The following RBFOX1 variants were observed in gnomAD, a reference collection of about 807,000 sequenced individuals.
The protein encoded by RBFOX1 is RNA binding fox-1 homolog 1, also known as RNA binding protein fox-1 homolog 1.
RBFOX1 carries 8 observed loss-of-function variants against 57.7 expected under a neutral mutation model. The ratio of observed to expected loss-of-function variants is 0.14; its 90% CI spans 0.08 to 0.25. The LOEUF is 0.25. Among genes scored for constraint, RBFOX1 ranks in the 10% least tolerant of loss-of-function variants. The pLI is 1.00. For synonymous variants in RBFOX1, 326 were observed against 222.4 expected (o/e 1.47, Z -4.15); for missense variants, 611 against 548.5 (o/e 1.11, Z -1.14).
chr16:7,579,736 G>T (rs1260034234), intron 5 of RBFOX1, 41 bp from the exon 6 acceptor site: 1 of 1,612,692 alleles, frequency 6.2e-7, no homozygotes, highest in South Asian at 1.1e-5. Flanking sequence ...AGAGCACTGT[G>T]GTCCACTGAG....
chr16:6,708,650 A>G (rs1002231130), intron 3 of RBFOX1, among the ~76,000 whole-genome samples: 2 of 152,258 alleles, frequency 1.3e-5, no homozygotes, highest in South Asian at 2.1e-4. Flanking sequence ...ATCTGCCACT[A>G]TGCATTCACT....
chr16:7,290,688 A>G (rs1255546260), intron 4 of RBFOX1, among the ~76,000 whole-genome samples: 1 of 152,232 alleles, frequency 6.6e-6, no homozygotes, highest in Non-Finnish European at 1.5e-5. Context: ...TGAGCATGCA[A>G]CATTAAGAGG....
chr16:6,961,786 C>A (rs754761183), intron 3 of RBFOX1, among the ~76,000 whole-genome samples: 1 of 152,092 alleles, frequency 6.6e-6, no homozygotes, highest in African/African-American at 2.4e-5. Flanking sequence ...TGAGAGTGTC[C>A]TTTAGCATGC....
intron 3 of RBFOX1, among the ~76,000 whole-genome samples, chr16:6,855,892 C>G (rs2057793314): frequency 6.8e-6 from 1 of 148,134 alleles, no homozygotes; most frequent in African/African-American, 2.6e-5. Context: ...CCTTGTCTCC[C>G]TCCTTACCTC....
intron 4 of RBFOX1, among the ~76,000 whole-genome samples, chr16:7,250,657 C>T (rs1461149247): frequency 6.6e-6 from 1 of 152,162 alleles, no homozygotes; most frequent in Non-Finnish European, 1.5e-5. Flanking sequence ...TGCATTTTAC[C>T]ATTAGACTCT....
intron 3 of RBFOX1, among the ~76,000 whole-genome samples, chr16:5,823,436 C>T (rs891078780): frequency 1.3e-5 from 2 of 152,106 alleles, no homozygotes; most frequent in African/African-American, 4.8e-5. Flanking sequence ...AGGGAATAGT[C>T]GATATTGCTT....
intron 4 of RBFOX1, among the ~76,000 whole-genome samples, chr16:7,238,688 T>C (rs1052070276): frequency 6.6e-6 from 1 of 152,230 alleles, no homozygotes; most frequent in Non-Finnish European, 1.5e-5. Flanking sequence ...GCTTGTTACA[T>C]AGGTAAACTT....
chr16:5,689,480 G>T (rs2050603364), intron 3 of RBFOX1, among the ~76,000 whole-genome samples: 1 of 152,126 alleles, frequency 6.6e-6, no homozygotes, highest in Admixed American at 6.6e-5. Context: ...AATTTCTGTG[G>T]AATCCTAAAG....
chr16:6,377,306 A>G lies in RBFOX1; in HGVS notation c.-64+60249A>G, dbSNP rs148713460. On this transcript the variant is annotated intron_variant, in intron 2 of 15. Coordinates refer to ENST00000550418, the MANE Select transcript of RBFOX1 (RefSeq NM_018723.4). The stretch of plus-strand genomic sequence containing the variant: ...AAAAAAAAAAGAAAAAGAAAAAAAA[A>G]GGTATCAGTCCCTGTATTTAGGCCT... Among the ~76,000 whole-genome samples, 710 of 151,908 alleles carry G rather than the reference A, an allele frequency of 4.7e-3. 5 individuals carry two copies. The highest frequency in any genetic ancestry group is 6.1e-3 in the Non-Finnish European group (415 of 67,928).
At chr16:5,508,643 G>T (rs2043463200) in intron 2 of RBFOX1, among the ~76,000 whole-genome samples, 2 of 151,894 alleles carry the variant, frequency 1.3e-5, no homozygotes, top group African/African-American at 2.4e-5. Context: ...TGCACAGAGC[G>T]ATTGTACAGA....
chr16:7,696,244 G>T (rs530011288), intron 14 of RBFOX1, among the ~76,000 whole-genome samples: 1 of 152,176 alleles, frequency 6.6e-6, no homozygotes. Context: ...AAGAATGTGT[G>T]CTCTGTTGGG....
At chr16:6,189,792 T>G (rs975188729) in intron 1 of RBFOX1, among the ~76,000 whole-genome samples, 1 of 152,246 alleles carries the variant, frequency 6.6e-6, no homozygotes, top group Non-Finnish European at 1.5e-5. Flanking sequence ...CATGGATATT[T>G]TCTCCCTTTC....
At chr16:6,233,054 G>C (rs1414454341) in intron 1 of RBFOX1, among the ~76,000 whole-genome samples, 1 of 152,148 alleles carries the variant, frequency 6.6e-6, no homozygotes, top group Non-Finnish European at 1.5e-5. Context: ...CCCCGATACA[G>C]ATCTAACAGG....
At chr16:7,305,463 T>G (rs2096157659) in intron 4 of RBFOX1, among the ~76,000 whole-genome samples, 1 of 152,114 alleles carries the variant, frequency 6.6e-6, no homozygotes, top group Non-Finnish European at 1.5e-5. Context: ...CCTTTCTCCC[T>G]CCCAGGATCT....
At chr16:5,242,191 A>T (rs1041264620) in intron 1 of RBFOX1, among the ~76,000 whole-genome samples, 4 of 152,152 alleles carry the variant, frequency 2.6e-5, no homozygotes, top group Non-Finnish European at 4.4e-5. Flanking sequence ...TGCTTTCTGG[A>T]GGCTAAAAGG....
intron 3 of RBFOX1, among the ~76,000 whole-genome samples, chr16:6,813,672 T>G (rs115898115): frequency 0.018 from 2,739 of 152,304 alleles, 88 homozygotes; most frequent in African/African-American, 0.062. Flanking sequence ...TTTGAATTTC[T>G]TTATCACCTT....
chr16:6,383,875 T>C (rs2109460), intron 2 of RBFOX1, among the ~76,000 whole-genome samples: 1 of 151,902 alleles, frequency 6.6e-6, no homozygotes, highest in Admixed American at 6.5e-5. Flanking sequence ...ACTAAGCAGA[T>C]GGTGGGATCT....
At chr16:7,189,994 C>T (rs1193407819) in intron 4 of RBFOX1, among the ~76,000 whole-genome samples, 1 of 152,140 alleles carries the variant, frequency 6.6e-6, no homozygotes, top group African/African-American at 2.4e-5. Context: ...GACAAAATCC[C>T]AAGACTTATT....
At chr16:7,278,892 T>C (rs774883617) in intron 4 of RBFOX1, among the ~76,000 whole-genome samples, 1 of 152,198 alleles carries the variant, frequency 6.6e-6, no homozygotes, top group Non-Finnish European at 1.5e-5. Context: ...AAGGGAATTA[T>C]TCTGACCGGG....
Sources: allele counts gnomAD v4.1 joint callset (sites outside exome capture counted in the v4.1 genomes callset), GRCh38; gene constraint gnomAD v4.1.1; transcripts MANE v1.5; gene names NCBI Gene and HGNC (gene_info 2026-07-23, HGNC 2026-07-21).